GOLIM4: variants seen among roughly 807,000 people sequenced by gnomAD.
GOLIM4 encodes golgi integral membrane protein 4, also known as 130 kDa golgi-localized phosphoprotein.
GOLIM4 carries 71 observed loss-of-function variants against 107.4 expected under a neutral mutation model. That is an observed-to-expected ratio of 0.66 (90% CI 0.55 to 0.81). The LOEUF is 0.81. GOLIM4 is among the 30% of genes least tolerant of loss of function. The pLI, the probability that GOLIM4 is intolerant of heterozygous loss-of-function variation, is 0.00. For missense variants in GOLIM4, 830 were observed against 826.1 expected (o/e 1.00, Z -0.06); for synonymous variants, 327 against 294.8 (o/e 1.11, Z -1.12).
intron 1 of GOLIM4, among the ~76,000 whole-genome samples, chr3:168,059,549 C>A (rs1000597834): frequency 1.4e-4 from 22 of 152,144 alleles, no homozygotes; most frequent in Non-Finnish European, 2.8e-4. Flanking sequence ...ATTAATTGGG[C>A]CCCTACTATA....
At chr3:168,082,155 A>C (rs1721403423) in intron 1 of GOLIM4, among the ~76,000 whole-genome samples, 1 of 152,188 alleles carries the variant, frequency 6.6e-6, no homozygotes, top group Non-Finnish European at 1.5e-5. Context: ...GTCTTGGAAA[A>C]AGACACATAT....
chr3:168,083,676 T>G (rs150650686), intron 1 of GOLIM4, among the ~76,000 whole-genome samples: 1 of 152,190 alleles, frequency 6.6e-6, no homozygotes, highest in Non-Finnish European at 1.5e-5. Context: ...AGCACAGTGG[T>G]TGGTACCCAG....
intron 1 of GOLIM4, among the ~76,000 whole-genome samples, chr3:168,088,497 C>G (rs886780335): frequency 6.6e-6 from 1 of 152,186 alleles, no homozygotes; most frequent in Non-Finnish European, 1.5e-5. Flanking sequence ...AATTAAAACA[C>G]GAAGAGGCTG....
chr3:168,029,737 G>A, intron 10 of GOLIM4, 43 bp downstream of exon 10: 1 of 1,597,272 alleles, frequency 6.3e-7, no homozygotes, highest in African/African-American at 1.3e-5. Context: ...TATGAAAACT[G>A]GAGCAGGGGC....
chr3:168,053,565 T>C (rs1719772536), intron 1 of GOLIM4, among the ~76,000 whole-genome samples: 1 of 152,218 alleles, frequency 6.6e-6, no homozygotes, highest in African/African-American at 2.4e-5. Context: ...TTAAGCTTAA[T>C]ACTAAGAAAG....
intron 3 of GOLIM4, 114 bp downstream of exon 3, chr3:168,046,836 T>C (rs1719334186): frequency 1.9e-6 from 1 of 526,314 alleles, no homozygotes; most frequent in African/African-American, 2.0e-5. Flanking sequence ...GTCAGTCCTA[T>C]AATCCCAGGG....
intron 1 of GOLIM4, among the ~76,000 whole-genome samples, chr3:168,076,665 T>C (rs1382612125): frequency 6.6e-6 from 1 of 152,196 alleles, no homozygotes; most frequent in African/African-American, 2.4e-5. Context: ...CACTCCAGCC[T>C]GGGCAACAGA....
rs1577510064 is a variant in GOLIM4, at chr3:168,024,414, T to G, written c.1860+112A>C. ...ACCCTTTCTTATCCTGCTTAAATTT[T>G]TCTGAACATTTCTGTGGAAGGCATG... is the stretch of plus-strand genomic sequence containing the variant. On this transcript the variant is annotated intron_variant, in intron 14 of 15. Transcript: ENST00000470487. 11 of 847,366 alleles carry G rather than the reference T, an allele frequency of 1.3e-5. No homozygotes were observed. In the South Asian group the frequency reaches 1.6e-4, roughly 12 times the overall value. The allele number at this position is 847,366 out of a possible 1,614,324, so 52.5% of individuals were successfully genotyped here. A position where few individuals can be genotyped will look rare whatever the true frequency, so the allele number is the denominator to read the frequency against.
At chr3:168,076,626 G>A (rs970185015) in intron 1 of GOLIM4, among the ~76,000 whole-genome samples, 12 of 152,192 alleles carry the variant, frequency 7.9e-5, no homozygotes, top group Non-Finnish European at 1.8e-4. Context: ...GGGAGGCAGA[G>A]GTTGCAGTGA....
Position 168,024,476 on chromosome 3 carries a change from T to C in GOLIM4, c.1860+50A>G, listed in dbSNP as rs750956000. On this transcript the variant is annotated intron_variant, in intron 14 of 15. Transcript: ENST00000470487. ...ACTGCTGAGGTTTGTTTAAGGTTAGTGTGTGTGACAGACCAATCTGATCAG... is the reference window on the plus strand; with the variant it reads ...ACTGCTGAGGTTTGTTTAAGGTTAGCGTGTGTGACAGACCAATCTGATCAG... The C allele has an allele frequency of 5.0e-6, 6 of 1,204,666 alleles. 2 individuals are homozygous for C. In the South Asian group the frequency reaches 7.2e-5, roughly 15 times the overall value. 74.6% of individuals were successfully genotyped at this position (1,204,666 alleles called of 1,614,324 possible).
At chr3:168,072,765 C>A (rs1245960202) in intron 1 of GOLIM4, among the ~76,000 whole-genome samples, 3 of 151,964 alleles carry the variant, frequency 2.0e-5, no homozygotes, top group Non-Finnish European at 4.4e-5. Flanking sequence ...GAGAGGAAGG[C>A]AGAATTATTA....
At chr3:168,075,290 T>TTTG (rs1172691034) in intron 1 of GOLIM4, among the ~76,000 whole-genome samples, 8 of 80,534 alleles carry the variant, frequency 9.9e-5, no homozygotes, top group African/African-American at 4.1e-4. Flanking sequence ...TCACTAGTTT[T>TTTG]TTTTTTTTTT....
intron 14 of GOLIM4, among the ~76,000 whole-genome samples, chr3:168,013,428 C>A (rs1051714944): frequency 1.3e-5 from 2 of 151,640 alleles, no homozygotes; most frequent in African/African-American, 4.9e-5. Context: ...TAGACTCCCA[C>A]GCATTAATAA....
chr3:168,009,691 A>G lies in GOLIM4; in HGVS notation c.*578T>C, dbSNP rs1287376151. On this transcript the variant is annotated 3_prime_UTR_variant, in exon 16 of 16. Coordinates refer to ENST00000470487, the MANE Select transcript of GOLIM4 (RefSeq NM_014498.5). Reference sequence around the variant, plus strand: ...AATGACATTTTTCTAATTGATCTGAAAAGTCTGAAAAACAATGTCTTTACA... The same window carrying G: ...AATGACATTTTTCTAATTGATCTGAGAAGTCTGAAAAACAATGTCTTTACA... 1 of 152,246 alleles carries G rather than the reference A, an allele frequency of 6.6e-6. No individual in the cohort carries two copies. Among genetic ancestry groups the G allele is most frequent in the Non-Finnish European group, 1.5e-5 (1 of 68,054 alleles). The allele number at this position is 152,246 out of a possible 1,614,324, so 9.4% of individuals were successfully genotyped here.
In GOLIM4 at chr3:168,010,417, G is replaced by C; in HGVS notation, c.1943C>G (p.Thr648Ser). 8 of 1,586,788 alleles carry C rather than the reference G, an allele frequency of 5.0e-6. No individual in the cohort carries two copies. Among genetic ancestry groups the C allele is most frequent in the Non-Finnish European group, 6.9e-6 (8 of 1,161,072 alleles). Reference sequence around the variant, plus strand: ...TTCTCCATCATTATTTTTATCATCAGTCTTAAAATTAAAAGAAAAAAGAAA... The same window carrying C: ...TTCTCCATCATTATTTTTATCATCACTCTTAAAATTAAAAGAAAAAAGAAA... ...EETYGENDEN[T>S]DDKNNDGEEQ... Residue 648 changes from threonine to serine, a missense_variant and splice_region_variant, in exon 16 of 16, where the codon ACT (threonine) becomes AGT (serine). Transcript: ENST00000470487.
rs757715312 is a variant in GOLIM4, at chr3:168,046,976, C to T, written c.286G>A (p.Ala96Thr). 26 of 1,355,186 alleles carry T rather than the reference C, an allele frequency of 1.9e-5. No homozygotes were observed. The highest frequency in any genetic ancestry group is 2.2e-5 in the Non-Finnish European group (22 of 986,204). 83.9% of individuals were successfully genotyped at this position (1,355,186 alleles called of 1,614,324 possible). The change falls in exon 3 of 16, where the codon GCA (alanine) becomes ACA (threonine). Residue 96 changes from alanine to threonine, a missense_variant. Transcript: ENST00000470487. ...KEDFLVYKLE[A>T]QETLNKGRQD... ...CTTCCTTTATTTAATGTTTCTTGTG[C>T]TTCTAACTTATAAACAAGAAAATCT... is the stretch of plus-strand genomic sequence containing the variant.
intron 1 of GOLIM4, among the ~76,000 whole-genome samples, chr3:168,092,476 C>G (rs1380822282): frequency 6.6e-6 from 1 of 152,194 alleles, no homozygotes; most frequent in African/African-American, 2.4e-5. Flanking sequence ...GGAGTATAAT[C>G]TATTCTTAAA....
At chr3:168,029,615 A>G (rs143330883) in intron 10 of GOLIM4, among the ~76,000 whole-genome samples, 165 bp downstream of exon 10, 268 of 152,356 alleles carry the variant, frequency 1.8e-3, no homozygotes, top group African/African-American at 6.2e-3. Flanking sequence ...TATTTTTAAA[A>G]TTAAATATTT....
intron 5 of GOLIM4, among the ~76,000 whole-genome samples, chr3:168,043,161 C>T (rs747806040): frequency 3.3e-5 from 5 of 152,102 alleles, no homozygotes; most frequent in African/African-American, 7.2e-5. Context: ...GAATACACTA[C>T]GATACAACAG....
Sources: gnomAD v4.1 joint callset for allele counts (sites outside exome capture counted in the v4.1 genomes callset) on GRCh38, gnomAD v4.1.1 for gene constraint, MANE v1.5 for transcripts, NCBI Gene and HGNC (gene_info 2026-07-23, HGNC 2026-07-21) for gene names.